Variants in ARHGAP15 observed in about 807,000 individuals in gnomAD.
ARHGAP15 encodes rho GTPase-activating protein 15.
ARHGAP15 carries 51 observed loss-of-function variants against 63.7 expected under a neutral mutation model. The ratio of observed to expected loss-of-function variants is 0.80; its 90% CI spans 0.64 to 1.01. The LOEUF is 1.01. Ranked by LOEUF, ARHGAP15 falls within the 50% of genes least tolerant of loss-of-function variation. The pLI is 0.00. For synonymous variants in ARHGAP15, 191 were observed against 193.8 expected (o/e 0.99, Z 0.12); for missense variants, 560 against 564.6 (o/e 0.99, Z 0.08).
At chr2:143,454,873 C>T (rs577713461) in intron 8 of ARHGAP15, among the ~76,000 whole-genome samples, 61 of 152,150 alleles carry the variant, frequency 4.0e-4, no homozygotes, top group Non-Finnish European at 6.2e-4. Flanking sequence ...GAACTCAGTT[C>T]ACACATTCAC....
At position 143,342,962 on chromosome 2, in the gene ARHGAP15, G is replaced by A. The variant is rs542690254; in HGVS notation, c.474+92362G>A. 3.9e-5 allele frequency among the ~76,000 whole-genome samples: 6 copies of A among 152,010 alleles called. No individual in the cohort carries two copies. The East Asian group carries it at 1.2e-3, about 29-fold the overall frequency. On this transcript the variant is annotated intron_variant, in intron 6 of 13. Coordinates refer to ENST00000295095, the MANE Select transcript of ARHGAP15 (RefSeq NM_018460.4). ...CATATATGTGTGTGTGTGTAAATTAGTATTTTTTGTTGTATTATTTTGCAA... is the reference window on the plus strand; with the variant it reads ...CATATATGTGTGTGTGTGTAAATTAATATTTTTTGTTGTATTATTTTGCAA...
intron 6 of ARHGAP15, among the ~76,000 whole-genome samples, chr2:143,405,030 C>T (rs766489379): frequency 1.3e-5 from 2 of 151,874 alleles, no homozygotes; most frequent in Non-Finnish European, 2.9e-5. Context: ...TTAGATTTTT[C>T]TCTCTTTGCA....
chr2:143,574,477 TATA>T (rs1696588779), intron 11 of ARHGAP15, among the ~76,000 whole-genome samples: 1 of 151,806 alleles, frequency 6.6e-6, no homozygotes, highest in African/African-American at 2.4e-5. Context: ...AAACTTAAAG[TATA>T]ATAATAATAA....
chr2:143,316,562 T>A (rs1479641369), intron 6 of ARHGAP15, among the ~76,000 whole-genome samples: 1 of 146,514 alleles, frequency 6.8e-6, no homozygotes, highest in Non-Finnish European at 1.5e-5. Flanking sequence ...TGTTATATAT[T>A]TTAAAACATA....
At chr2:143,163,177 G>T (rs988329891) in intron 2 of ARHGAP15, among the ~76,000 whole-genome samples, 4 of 151,918 alleles carry the variant, frequency 2.6e-5, no homozygotes, top group Non-Finnish European at 1.5e-5. Context: ...GTGAAGCAGA[G>T]AACTGAAGCA....
In ARHGAP15 at chr2:143,251,947, T is replaced by C. The variant is rs553047749; in HGVS notation, c.474+1347T>C. Among the ~76,000 whole-genome samples the C allele has an allele frequency of 9.2e-5, 14 of 152,180 alleles. No individual in the cohort carries two copies. The East Asian group carries it at 2.7e-3, about 29-fold the overall frequency. On this transcript the variant is annotated intron_variant, in intron 6 of 13. Coordinates refer to ENST00000295095, the MANE Select transcript of ARHGAP15 (RefSeq NM_018460.4). Reference sequence around the variant, plus strand: ...TCTACCATAAATAACAGTTTAGAGGTTATAATTCTAGCCTTATGACAACTT... The same window carrying C: ...TCTACCATAAATAACAGTTTAGAGGCTATAATTCTAGCCTTATGACAACTT...
rs1197629727 is a variant in ARHGAP15, at chr2:143,635,763, C to T, written c.1138+11496C>T. Among the ~76,000 whole-genome samples, 24 of 152,014 alleles carry T rather than the reference C, an allele frequency of 1.6e-4. No individual in the cohort carries two copies. In the South Asian group the frequency reaches 5.0e-3, roughly 32 times the overall value. On this transcript the variant is annotated intron_variant, in intron 12 of 13. Coordinates refer to ENST00000295095, the MANE Select transcript of ARHGAP15 (RefSeq NM_018460.4). ...AACAGAAACATGGAAAATGAATACACTATTATAGAAAATAAGTAGTGGTGC... is the reference window on the plus strand; with the variant it reads ...AACAGAAACATGGAAAATGAATACATTATTATAGAAAATAAGTAGTGGTGC...
chr2:143,686,270 G>GGCACACATCTGTAATCCCA (rs1553522137), intron 12 of ARHGAP15, among the ~76,000 whole-genome samples: 1 of 149,912 alleles, frequency 6.7e-6, no homozygotes. Context: ...GCTGGGTGGA[G>GGCACACATCTGTAATCCCA]GCTATTCAGG....
intron 5 of ARHGAP15, among the ~76,000 whole-genome samples, chr2:143,245,554 G>A (rs530517954): frequency 3.9e-5 from 6 of 152,144 alleles, no homozygotes; most frequent in African/African-American, 1.4e-4. Context: ...TGGCAATAAC[G>A]GAAAGGAAAT....
At chr2:143,610,288 C>T (rs918616597) in intron 11 of ARHGAP15, among the ~76,000 whole-genome samples, 7 of 152,222 alleles carry the variant, frequency 4.6e-5, no homozygotes, top group Admixed American at 1.3e-4. Context: ...TTCAAATGAA[C>T]GTATGGCTGC....
intron 8 of ARHGAP15, among the ~76,000 whole-genome samples, chr2:143,452,657 A>ATTTTTTTTTTTTTTTT (rs377089210): frequency 7.3e-6 from 1 of 137,024 alleles, no homozygotes. Flanking sequence ...GCCCCTTTGG[A>ATTTTTTTTTTTTTTTT]TTTTTTTTTT....
intron 2 of ARHGAP15, among the ~76,000 whole-genome samples, chr2:143,201,012 G>T (rs141938105): frequency 2.9e-3 from 448 of 152,152 alleles, no homozygotes; most frequent in African/African-American, 1.0e-2. Context: ...GGAATAGCTT[G>T]TTTCTACCCC....
intron 12 of ARHGAP15, among the ~76,000 whole-genome samples, chr2:143,644,876 T>G (rs1680793755): frequency 6.6e-6 from 1 of 152,102 alleles, no homozygotes; most frequent in Non-Finnish European, 1.5e-5. Flanking sequence ...GCACATACTT[T>G]TATCTGAGTA....
At chr2:143,577,662 C>T (rs1032679126) in intron 11 of ARHGAP15, among the ~76,000 whole-genome samples, 9 of 152,110 alleles carry the variant, frequency 5.9e-5, no homozygotes, top group African/African-American at 2.2e-4. Context: ...CAGGAAGCTC[C>T]TTTCCCAAAG....
rs139256780 is a variant in ARHGAP15 at position 143,138,119 on chromosome 2, A to T, written c.-15+8653A>T. Among the ~76,000 whole-genome samples, 300 of 152,212 alleles carry T rather than the reference A, an allele frequency of 2.0e-3. 1 individual carries two copies. Among genetic ancestry groups the T allele is most frequent in the African/African-American group, 5.8e-3 (240 of 41,560 alleles). ...GTTGCTTGAGAAATTCATCAATATA[A>T]ATTATTAGAGTGAGATTCTTAATAA... On this transcript the variant is annotated intron_variant, in intron 1 of 13. Coordinates refer to ENST00000295095, the MANE Select transcript of ARHGAP15 (RefSeq NM_018460.4).
chr2:143,384,354 G>A (rs995867234), intron 6 of ARHGAP15, among the ~76,000 whole-genome samples: 4 of 151,982 alleles, frequency 2.6e-5, no homozygotes, highest in African/African-American at 4.8e-5. Context: ...AATTAAATAC[G>A]TTAGAAACGT....
intron 3 of ARHGAP15, among the ~76,000 whole-genome samples, chr2:143,215,034 C>G (rs1692695115): frequency 6.6e-6 from 1 of 152,124 alleles, no homozygotes; most frequent in Non-Finnish European, 1.5e-5. Flanking sequence ...CCAAAATATT[C>G]CAGAAGCTAG....
At chr2:143,581,822 C>T (rs1037615415) in intron 11 of ARHGAP15, among the ~76,000 whole-genome samples, 1 of 152,182 alleles carries the variant, frequency 6.6e-6, no homozygotes, top group Non-Finnish European at 1.5e-5. Flanking sequence ...AGCAAAAACT[C>T]TCATCTTCAA....
At chr2:143,151,898 T>G (rs1335925494) in intron 1 of ARHGAP15, among the ~76,000 whole-genome samples, 3 of 151,916 alleles carry the variant, frequency 2.0e-5, no homozygotes, top group African/African-American at 7.2e-5. Context: ...GGTACAGCAG[T>G]CACAGGTCCC....
Sources: allele counts gnomAD v4.1 joint callset (sites outside exome capture counted in the v4.1 genomes callset), GRCh38; gene constraint gnomAD v4.1.1; transcripts MANE v1.5; gene names NCBI Gene and HGNC (gene_info 2026-07-23, HGNC 2026-07-21).